Variants in PIP4K2A observed in about 807,000 individuals in gnomAD.
PIP4K2A encodes phosphatidylinositol 5-phosphate 4-kinase type-2 alpha.
A neutral mutation model predicts 42.9 loss-of-function variants in PIP4K2A; 14 were observed. The ratio of observed to expected loss-of-function variants is 0.33; its 90% CI spans 0.22 to 0.51. The LOEUF (loss-of-function observed/expected upper bound fraction) is 0.51. Among genes scored for constraint, PIP4K2A ranks in the 20% least tolerant of loss-of-function variants. The probability of loss-of-function intolerance (pLI) is 0.97; values close to 1 mark genes in which losing one functional copy is unlikely to be tolerated. For missense variants in PIP4K2A, 434 were observed against 519.8 expected (o/e 0.83, Z 1.61); for synonymous variants, 192 against 192.2 (o/e 1.00, Z 0.01).
chr10:22,560,250 T>C (rs2130776969), intron 6 of PIP4K2A, among the ~76,000 whole-genome samples: 1 of 152,196 alleles, frequency 6.6e-6, no homozygotes, highest in South Asian at 2.1e-4. Flanking sequence ...CCGCCCACAG[T>C]GGAAAAAGAG....
chr10:22,704,114 A>G (rs1254321038), intron 1 of PIP4K2A, among the ~76,000 whole-genome samples: 3 of 152,198 alleles, frequency 2.0e-5, no homozygotes, highest in South Asian at 2.1e-4. Context: ...AAATTTCTCA[A>G]TCATGACTGT....
At chr10:22,582,682 A>C (rs1837305850) in intron 4 of PIP4K2A, among the ~76,000 whole-genome samples, 1 of 152,142 alleles carries the variant, frequency 6.6e-6, no homozygotes, top group African/African-American at 2.4e-5. Flanking sequence ...TATACTTCAC[A>C]TGAAAGAAAA....
rs1409715027 is a variant in PIP4K2A at position 22,534,893 on chromosome 10, C to T, written c.*2308G>A. On this transcript the variant is annotated 3_prime_UTR_variant, in exon 10 of 10. Transcript: ENST00000376573. ...CATTTCTTCAAGGATTAGCTAAAGA[C>T]ACTGTCAGGACCGAGTATTTAAAAT... 6.6e-6 allele frequency: 1 copy of T among 152,176 alleles called. No homozygotes were observed. Among genetic ancestry groups the T allele is most frequent in the Non-Finnish European group, 1.5e-5 (1 of 68,034 alleles). The allele number at this position is 152,176 out of a possible 1,614,324, so 9.4% of individuals were successfully genotyped here.
Position 22,536,724 on chromosome 10 carries a change from A to AAAAAAAAAACAAAAAAAAC in PIP4K2A, c.*476_*477insGTTTTTTTTGTTTTTTTTT, listed in dbSNP as rs1835931726. On this transcript the variant is annotated 3_prime_UTR_variant, in exon 10 of 10. Coordinates refer to ENST00000376573, the MANE Select transcript of PIP4K2A (RefSeq NM_005028.5). Reference sequence around the variant, plus strand: ...CACATCTTTCAACTCCAAAAAAAAAAAAAAAAAAAAAAAACTGATCCACAG... The same window carrying AAAAAAAAAACAAAAAAAAC: ...CACATCTTTCAACTCCAAAAAAAAAAAAAAAAAAACAAAAAAAACAAAAAAAAAAAAAACTGATCCACAG... 1 of 136,824 alleles carries AAAAAAAAAACAAAAAAAAC rather than the reference A, an allele frequency of 7.3e-6. No homozygotes were observed. Among genetic ancestry groups the AAAAAAAAAACAAAAAAAAC allele is most frequent in the Non-Finnish European group, 1.6e-5 (1 of 61,240 alleles). 8.5% of individuals were successfully genotyped at this position (136,824 alleles called of 1,614,324 possible).
rs1229193851 is a variant in PIP4K2A at position 22,654,102 on chromosome 10, T to G, written c.145-44385A>C. On this transcript the variant is annotated intron_variant, in intron 1 of 9. Transcript: ENST00000376573. ...GAAAGGAAACCCTGCAGTGAGGGGTTCTGGAATGGCAATGACTTTGCTGGC... is the reference window on the plus strand; with the variant it reads ...GAAAGGAAACCCTGCAGTGAGGGGTGCTGGAATGGCAATGACTTTGCTGGC... Among the ~76,000 whole-genome samples the G allele has an allele frequency of 2.6e-5, 4 of 152,198 alleles. No individual in the cohort carries two copies. The East Asian group carries it at 7.7e-4, about 29-fold the overall frequency.
chr10:22,584,654 C>T (rs1837351692), intron 4 of PIP4K2A, among the ~76,000 whole-genome samples: 2 of 152,114 alleles, frequency 1.3e-5, no homozygotes, highest in Non-Finnish European at 2.9e-5. Flanking sequence ...ACAAATGACG[C>T]CATCGGCAAG....
At chr10:22,635,967 T>TTA (rs1213520080) in intron 1 of PIP4K2A, among the ~76,000 whole-genome samples, 2 of 152,238 alleles carry the variant, frequency 1.3e-5, no homozygotes, top group Non-Finnish European at 1.5e-5. Flanking sequence ...ATGTTTAACA[T>TTA]GCAGCCACAA....
intron 7 of PIP4K2A, among the ~76,000 whole-genome samples, chr10:22,545,074 C>T (rs562042303): frequency 1.3e-5 from 2 of 152,332 alleles, no homozygotes; most frequent in African/African-American, 2.4e-5. Context: ...TCCCGAATCC[C>T]GGCAGGCAGA....
chr10:22,703,002 C>G (rs1448236004), intron 1 of PIP4K2A, among the ~76,000 whole-genome samples: 1 of 152,148 alleles, frequency 6.6e-6, no homozygotes, highest in Non-Finnish European at 1.5e-5. Flanking sequence ...GAGAAAATAA[C>G]AGTATGATAG....
intron 7 of PIP4K2A, among the ~76,000 whole-genome samples, chr10:22,543,708 C>G (rs1564413295): frequency 6.6e-6 from 1 of 152,216 alleles, no homozygotes; most frequent in Non-Finnish European, 1.5e-5. Context: ...CCGAGATCAC[C>G]TGGCTGGGAT....
intron 2 of PIP4K2A, among the ~76,000 whole-genome samples, chr10:22,609,012 C>A (rs939230978): frequency 6.6e-5 from 10 of 152,202 alleles, no homozygotes; most frequent in Admixed American, 5.2e-4. Flanking sequence ...CCTCCCTTAT[C>A]ATACTTTGCA....
intron 1 of PIP4K2A, among the ~76,000 whole-genome samples, chr10:22,616,260 G>A (rs1778352): frequency 0.1 from 15,592 of 152,090 alleles, 894 homozygotes; most frequent in Middle Eastern, 0.18. Context: ...CTCAGGCTTG[G>A]CTCAGCTTTA....
intron 8 of PIP4K2A, 110 bp downstream of exon 8, chr10:22,541,694 G>T (rs779218879): frequency 1.1e-5 from 13 of 1,218,518 alleles, no homozygotes; most frequent in Non-Finnish European, 1.5e-5. Flanking sequence ...TTTGGAGGAT[G>T]AGTGCTGCCG....
intron 1 of PIP4K2A, among the ~76,000 whole-genome samples, chr10:22,622,205 A>G (rs1838346425): frequency 6.6e-6 from 1 of 152,236 alleles, no homozygotes; most frequent in East Asian, 1.9e-4. Context: ...AGCAGACAGA[A>G]GAGGAGACAA....
In PIP4K2A at chr10:22,536,635, C is replaced by T. The variant is rs1340197619; in HGVS notation, c.*566G>A. On this transcript the variant is annotated 3_prime_UTR_variant, in exon 10 of 10. Coordinates refer to ENST00000376573, the MANE Select transcript of PIP4K2A (RefSeq NM_005028.5). Reference sequence around the variant, plus strand: ...TGGAACATTCGCTGTAGGTTTTTTCCTTGGAATCATCATCATTATTATAAT... The same window carrying T: ...TGGAACATTCGCTGTAGGTTTTTTCTTTGGAATCATCATCATTATTATAAT... 3 of 138,824 alleles carry T rather than the reference C, an allele frequency of 2.2e-5. No homozygotes were observed. The highest frequency in any genetic ancestry group is 8.1e-5 in the African/African-American group (3 of 37,202). The allele number at this position is 138,824 out of a possible 1,614,324, so 8.6% of individuals were successfully genotyped here. A position where few individuals can be genotyped will look rare whatever the true frequency, so the allele number is the denominator to read the frequency against.
At chr10:22,645,497 G>C (rs985883813) in intron 1 of PIP4K2A, among the ~76,000 whole-genome samples, 1 of 149,336 alleles carries the variant, frequency 6.7e-6, no homozygotes, top group East Asian at 2.0e-4. Context: ...AATGAGATAC[G>C]ATTGCACCAC....
intron 5 of PIP4K2A, among the ~76,000 whole-genome samples, chr10:22,570,297 G>T (rs923561986): frequency 6.6e-6 from 1 of 152,216 alleles, no homozygotes; most frequent in Admixed American, 6.5e-5. Context: ...GGGTCATAGA[G>T]GTTCAGCAAC....
chr10:22,591,799 G>T lies in PIP4K2A; in HGVS notation c.340-18C>A. Reference sequence around the variant, plus strand: ...AGGGAATTCTTCCCGGGTGGGGTAAGAGGGGAAGGAAGGCGGGGGAAGATA... The same window carrying T: ...AGGGAATTCTTCCCGGGTGGGGTAATAGGGGAAGGAAGGCGGGGGAAGATA... On this transcript the variant is annotated intron_variant, in intron 3 of 9. Transcript: ENST00000376573. The T allele has an allele frequency of 6.3e-7, 1 of 1,594,606 alleles. No individual in the cohort carries two copies. Among genetic ancestry groups the T allele is most frequent in the Non-Finnish European group, 8.6e-7 (1 of 1,169,324 alleles).
chr10:22,549,444 T>C (rs1309892197), intron 7 of PIP4K2A, among the ~76,000 whole-genome samples: 1 of 152,108 alleles, frequency 6.6e-6, no homozygotes, highest in Non-Finnish European at 1.5e-5. Flanking sequence ...CCATGAAGTG[T>C]ACACAAATGA....
Sources: allele counts gnomAD v4.1 joint callset (sites outside exome capture counted in the v4.1 genomes callset), GRCh38; gene constraint gnomAD v4.1.1; transcripts MANE v1.5; gene names NCBI Gene and HGNC (gene_info 2026-07-23, HGNC 2026-07-21).